Variants in SNX13 observed in about 807,000 individuals in gnomAD.
SNX13 encodes sorting nexin-13.
SNX13 carries 45 observed loss-of-function variants against 133.6 expected under a neutral mutation model. That is an observed-to-expected ratio of 0.34 (90% CI 0.27 to 0.43). SNX13 has a LOEUF of 0.43. Among genes scored for constraint, SNX13 ranks in the 20% least tolerant of loss-of-function variants. The pLI, the probability that SNX13 is intolerant of heterozygous loss-of-function variation, is 1.00. For missense variants in SNX13, 1,032 were observed against 1,145.1 expected (o/e 0.90, Z 1.43); for synonymous variants, 414 against 373.9 (o/e 1.11, Z -1.24).
At chr7:17,883,190 T>C (rs899221968) in intron 5 of SNX13, among the ~76,000 whole-genome samples, 2 of 152,176 alleles carry the variant, frequency 1.3e-5, no homozygotes, top group African/African-American at 4.8e-5. Flanking sequence ...TTCAAAGAGA[T>C]TCCAATATCC....
chr7:17,807,835 T>A (rs1442717831), intron 20 of SNX13, among the ~76,000 whole-genome samples: 4 of 74,732 alleles, frequency 5.4e-5, no homozygotes, highest in African/African-American at 4.9e-4. Flanking sequence ...GGGTCTGGAG[T>A]GGGCCTCCAG....
chr7:17,912,947 C>T (rs1348489291), intron 1 of SNX13, among the ~76,000 whole-genome samples: 1 of 152,170 alleles, frequency 6.6e-6, no homozygotes, highest in Non-Finnish European at 1.5e-5. Flanking sequence ...ACTTGTGAAG[C>T]TGAGGTTTCT....
chr7:17,929,227 T>G (rs1192796301), intron 1 of SNX13, among the ~76,000 whole-genome samples: 2 of 151,918 alleles, frequency 1.3e-5, no homozygotes, highest in Non-Finnish European at 1.5e-5. Context: ...TGTAACTATA[T>G]AAAGGAATAG....
chr7:17,829,270 TC>T (rs1475975704), intron 16 of SNX13, among the ~76,000 whole-genome samples: 2 of 151,428 alleles, frequency 1.3e-5, no homozygotes, highest in Non-Finnish European at 3.0e-5. Flanking sequence ...GTTTTTCCCC[TC>T]CCCAACCCAG....
chr7:17,881,546 C>G (rs1355358661), intron 5 of SNX13: 1 of 151,938 alleles, frequency 6.6e-6, no homozygotes, highest in Non-Finnish European at 1.5e-5. Context: ...TGACAAGTAA[C>G]TTTGAGTAGA....
chr7:17,927,834 C>T (rs1800930211), intron 1 of SNX13, among the ~76,000 whole-genome samples: 1 of 152,112 alleles, frequency 6.6e-6, no homozygotes, highest in Non-Finnish European at 1.5e-5. Context: ...ATTCCTTTAA[C>T]TGAGTTAGAA....
chr7:17,865,865 T>C (rs568381702), intron 9 of SNX13, among the ~76,000 whole-genome samples: 69 of 152,262 alleles, frequency 4.5e-4, no homozygotes, highest in East Asian at 3.1e-3. Context: ...TTTTTACAAA[T>C]GTGCCAAAAA....
intron 5 of SNX13, among the ~76,000 whole-genome samples, chr7:17,877,830 T>A (rs1794898211): frequency 6.6e-6 from 1 of 152,012 alleles, no homozygotes; most frequent in Admixed American, 6.6e-5. Context: ...CGATATCTTA[T>A]CTCTTTCTGA....
At chr7:17,852,500 G>T (rs1791348214) in intron 9 of SNX13, among the ~76,000 whole-genome samples, 1 of 152,162 alleles carries the variant, frequency 6.6e-6, no homozygotes, top group Non-Finnish European at 1.5e-5. Context: ...TAACAATGGG[G>T]ATTATTCTCT....
intron 5 of SNX13, chr7:17,888,769 T>C: frequency 2.1e-6 from 1 of 470,236 alleles, no homozygotes; most frequent in South Asian, 1.6e-5. Context: ...ATAAGATGAA[T>C]TTTGATCCTG....
intron 13 of SNX13, among the ~76,000 whole-genome samples, chr7:17,836,018 A>C (rs971724080): frequency 6.6e-6 from 1 of 151,998 alleles, no homozygotes; most frequent in Non-Finnish European, 1.5e-5. Flanking sequence ...CTCTAAGCTC[A>C]CTAAACTCAC....
intron 15 of SNX13, chr7:17,831,864 G>C: frequency 1.0e-6 from 1 of 984,086 alleles, no homozygotes; most frequent in Non-Finnish European, 1.2e-6. Context: ...AGTTGAGAAA[G>C]GTAAACCAGT....
At chr7:17,871,994 T>C (rs370313270) in intron 8 of SNX13, among the ~76,000 whole-genome samples, 184 of 152,234 alleles carry the variant, frequency 1.2e-3, no homozygotes, top group African/African-American at 4.2e-3. Flanking sequence ...GATATGGAGG[T>C]AAGAATAAGA....
intron 20 of SNX13, among the ~76,000 whole-genome samples, chr7:17,814,396 T>C (rs1356859631): frequency 6.6e-6 from 1 of 152,148 alleles, no homozygotes; most frequent in Non-Finnish European, 1.5e-5. Flanking sequence ...TTATTCCAAG[T>C]ATGGGTCTTA....
chr7:17,795,963 G>C (rs1304561911), intron 25 of SNX13: 1 of 151,506 alleles, frequency 6.6e-6, no homozygotes, highest in East Asian at 1.9e-4. Context: ...AATTTATAGA[G>C]AAAATACAGG....
chr7:17,937,381 G>A (rs1391705586), intron 1 of SNX13, among the ~76,000 whole-genome samples: 1 of 151,866 alleles, frequency 6.6e-6, no homozygotes. Flanking sequence ...CGGTGCAGTG[G>A]CTCACGCCTG....
intron 1 of SNX13, among the ~76,000 whole-genome samples, chr7:17,924,929 C>T (rs1191766195): frequency 2.0e-5 from 3 of 152,182 alleles, no homozygotes; most frequent in Non-Finnish European, 4.4e-5. Context: ...CAAAACCGGC[C>T]TGGCACAGTG....
chr7:17,934,281 G>A (rs953690456), intron 1 of SNX13, among the ~76,000 whole-genome samples: 18 of 152,046 alleles, frequency 1.2e-4, no homozygotes, highest in Non-Finnish European at 2.5e-4. Flanking sequence ...GGCACTTCAT[G>A]GTCTATGAAA....
intron 1 of SNX13, among the ~76,000 whole-genome samples, chr7:17,914,259 G>A (rs894898468): frequency 1.3e-5 from 2 of 151,624 alleles, no homozygotes; most frequent in African/African-American, 4.8e-5. Context: ...TCAAACCTAT[G>A]CCTTATTGGC....
Sources: gnomAD v4.1 joint callset for allele counts (sites outside exome capture counted in the v4.1 genomes callset) on GRCh38, gnomAD v4.1.1 for gene constraint, MANE v1.5 for transcripts, NCBI Gene and HGNC (gene_info 2026-07-23, HGNC 2026-07-21) for gene names.